NRXN3: variants seen among roughly 807,000 people sequenced by gnomAD.
NRXN3 encodes the protein neurexin III.
NRXN3 carries 32 observed loss-of-function variants against 137.6 expected under a neutral mutation model. That is an observed-to-expected ratio of 0.23 (90% confidence interval 0.18 to 0.31). NRXN3 has a LOEUF of 0.31. Ranked by LOEUF, NRXN3 falls within the 10% of genes least tolerant of loss-of-function variation. The pLI is 1.00. For missense variants in NRXN3, 1,574 were observed against 2,062.5 expected (o/e 0.76, Z 4.59); for synonymous variants, 798 against 784.5 (o/e 1.02, Z -0.29).
intron 4 of NRXN3, among the ~76,000 whole-genome samples, chr14:78,561,135 T>C (rs1355519288): frequency 4.6e-5 from 7 of 152,210 alleles, no homozygotes; most frequent in African/African-American, 1.7e-4. Context: ...GCTCAGAAGC[T>C]TGGCTGCTTT....
intron 2 of NRXN3, among the ~76,000 whole-genome samples, chr14:78,263,340 A>AAATTG (rs1596501310): frequency 6.6e-6 from 1 of 152,134 alleles, no homozygotes; most frequent in East Asian, 1.9e-4. Context: ...TTATCAGAAA[A>AAATTG]AATTGCAAAT....
At chr14:79,757,267 G>A (rs567617453) in intron 19 of NRXN3, among the ~76,000 whole-genome samples, 67 of 152,274 alleles carry the variant, frequency 4.4e-4, no homozygotes, top group South Asian at 1.2e-3. Flanking sequence ...GTAAAATGAG[G>A]ACACAAAAGA....
chr14:78,858,744 C>G (rs902162581), intron 10 of NRXN3, among the ~76,000 whole-genome samples: 2 of 152,118 alleles, frequency 1.3e-5, no homozygotes, highest in African/African-American at 4.8e-5. Context: ...GCTGATTGAA[C>G]CTTTATTCTG....
intron 15 of NRXN3, chr14:79,279,464 C>T (rs1411002880): frequency 1.0e-6 from 1 of 986,190 alleles, no homozygotes; most frequent in Non-Finnish European, 1.2e-6. Flanking sequence ...CTGCCAGGCA[C>T]CTCCTCTTGC....
intron 2 of NRXN3, among the ~76,000 whole-genome samples, chr14:78,248,868 C>T (rs976080862): frequency 3.3e-5 from 5 of 152,132 alleles, no homozygotes; most frequent in African/African-American, 1.2e-4. Flanking sequence ...CTTGATTCCC[C>T]ACCCAGCATT....
intron 4 of NRXN3, among the ~76,000 whole-genome samples, chr14:78,360,649 T>A (rs2084975591): frequency 1.3e-5 from 2 of 152,332 alleles, no homozygotes; most frequent in East Asian, 3.9e-4. Flanking sequence ...ACACGTAAGG[T>A]ACTTAGAACA....
At chr14:78,636,010 C>T (rs539239506) in intron 4 of NRXN3, among the ~76,000 whole-genome samples, 1 of 152,254 alleles carries the variant, frequency 6.6e-6, no homozygotes, top group African/African-American at 2.4e-5. Context: ...GAAAGCAACC[C>T]AAGGACCAGT....
intron 12 of NRXN3, 138 bp from the exon 13 acceptor site, chr14:78,967,070 A>G (rs1196076184): frequency 1.4e-6 from 1 of 689,716 alleles, no homozygotes; most frequent in East Asian, 2.7e-5. Context: ...GTAACCTCAT[A>G]TCAAGATTTA....
intron 4 of NRXN3, among the ~76,000 whole-genome samples, chr14:78,473,043 C>G (rs1220273308): frequency 6.6e-6 from 1 of 151,050 alleles, no homozygotes; most frequent in Admixed American, 6.7e-5. Flanking sequence ...GAGAGAGGTA[C>G]AAGGATGTTC....
chr14:79,855,179 G>A (rs950435111), intron 20 of NRXN3, among the ~76,000 whole-genome samples: 2 of 152,098 alleles, frequency 1.3e-5, no homozygotes, highest in South Asian at 2.1e-4. Context: ...TACCATCATC[G>A]TGTAACTACA....
intron 17 of NRXN3, among the ~76,000 whole-genome samples, chr14:79,687,080 G>A (rs1320499449): frequency 6.6e-6 from 1 of 152,172 alleles, no homozygotes; most frequent in Non-Finnish European, 1.5e-5. Flanking sequence ...AAGGATCAAA[G>A]CTCACAACAT....
chr14:78,528,777 T>A (rs754086833), intron 4 of NRXN3, among the ~76,000 whole-genome samples: 1 of 152,178 alleles, frequency 6.6e-6, no homozygotes, highest in Non-Finnish European at 1.5e-5. Context: ...CTATCTTTAT[T>A]TAAATTTTTG....
chr14:79,740,859 G>C (rs1038983180), intron 19 of NRXN3, among the ~76,000 whole-genome samples: 3 of 148,852 alleles, frequency 2.0e-5, no homozygotes, highest in African/African-American at 7.4e-5. Flanking sequence ...ACAGGGTGAA[G>C]CTTATGTTTT....
chr14:79,860,042 C>T (rs1345987654), intron 20 of NRXN3, among the ~76,000 whole-genome samples: 1 of 152,098 alleles, frequency 6.6e-6, no homozygotes, highest in Admixed American at 6.5e-5. Context: ...GGTAAGCAAC[C>T]ACTACTGCAG....
At chr14:79,132,904 G>T (rs1383894338) in intron 15 of NRXN3, among the ~76,000 whole-genome samples, 1 of 152,212 alleles carries the variant, frequency 6.6e-6, no homozygotes, top group African/African-American at 2.4e-5. Context: ...CTTTCAGTTT[G>T]TCCTGAGTTG....
At chr14:78,334,202 G>A (rs2081185908) in intron 4 of NRXN3, among the ~76,000 whole-genome samples, 1 of 152,164 alleles carries the variant, frequency 6.6e-6, no homozygotes, top group Non-Finnish European at 1.5e-5. Context: ...ACCAAGAGGA[G>A]ATATTGAGGA....
At chr14:79,369,131 G>A (rs1053499026) in intron 15 of NRXN3, among the ~76,000 whole-genome samples, 12 of 152,316 alleles carry the variant, frequency 7.9e-5, no homozygotes, top group African/African-American at 2.9e-4. Flanking sequence ...GTGATGACGA[G>A]CAGTGTGATG....
intron 17 of NRXN3, among the ~76,000 whole-genome samples, chr14:79,667,683 C>T (rs374527959): frequency 6.6e-6 from 1 of 151,958 alleles, no homozygotes. Context: ...AGCTAAGAAA[C>T]AGGAGAGGGA....
intron 4 of NRXN3, among the ~76,000 whole-genome samples, chr14:78,619,492 T>A (rs990225957): frequency 1.3e-5 from 2 of 152,088 alleles, no homozygotes; most frequent in Non-Finnish European, 2.9e-5. Flanking sequence ...CCCACCCGAA[T>A]CTCATCTTGA....
Sources: allele counts gnomAD v4.1 joint callset (sites outside exome capture counted in the v4.1 genomes callset), GRCh38; gene constraint gnomAD v4.1.1; transcripts MANE v1.5; gene names NCBI Gene and HGNC (gene_info 2026-07-23, HGNC 2026-07-21).